Variants in OCRL observed in about 807,000 individuals in gnomAD.
The protein encoded by OCRL is OCRL inositol polyphosphate-5-phosphatase, also known as inositol polyphosphate 5-phosphatase OCRL.
Under a neutral mutation model 78.9 loss-of-function variants are expected in OCRL, and 8 were observed. The observed-to-expected ratio is 0.10, with a 90% CI of 0.06 to 0.18. The LOEUF is 0.18. Ranked by LOEUF, OCRL falls within the 10% of genes least tolerant of loss-of-function variation. The probability of loss-of-function intolerance (pLI) is 1.00; values close to 1 mark genes in which losing one functional copy is unlikely to be tolerated. For missense variants in OCRL, 454 were observed against 696.7 expected, an observed-to-expected ratio of 0.65 and a Z score of 3.92; for synonymous variants, 240 against 235.4, an observed-to-expected ratio of 1.02 and a Z score of -0.18.
intron 12 of OCRL, among the ~76,000 whole-genome samples, chrX:129,563,349 T>C (rs1489436636): frequency 8.9e-6 from 1 of 112,446 alleles, no homozygotes; most frequent in East Asian, 2.8e-4. Context: ...TTCTAAAATA[T>C]TGATCACATG....
intron 6 of OCRL, 92 bp from the exon 7 acceptor site, chrX:129,558,541 A>T (rs1936095874): frequency 4.7e-6 from 5 of 1,063,668 alleles, no homozygotes; most frequent in Non-Finnish European, 6.5e-6. Flanking sequence ...AATACCACTG[A>T]TCAAATTGTG....
chrX:129,547,115 G>C (rs1162172591), intron 3 of OCRL, among the ~76,000 whole-genome samples: 10 of 111,090 alleles, frequency 9.0e-5, no homozygotes, highest in Non-Finnish European at 1.9e-4. Context: ...TGTAGTCCCA[G>C]CTACTTGGGA....
chrX:129,565,900 T>C lies in OCRL; in HGVS notation c.1356+17T>C, dbSNP rs371004062. 5 of 1,073,468 alleles carry C rather than the reference T, an allele frequency of 4.7e-6. No homozygotes were observed. The highest frequency in any genetic ancestry group is 6.5e-6 in the Non-Finnish European group (5 of 772,073). The allele number at this position is 1,073,468 out of a possible 1,213,427, so 88.5% of individuals were successfully genotyped here. The stretch of plus-strand genomic sequence containing the variant: ...TTCGACCAGGTAAGTAAAGTTTCAT[T>C]TTATAGGAACTTTCCTAGATGGGAG... On this transcript the variant is annotated intron_variant, in intron 13 of 23. Coordinates refer to ENST00000371113, the MANE Select transcript of OCRL (RefSeq NM_000276.4).
intron 2 of OCRL, among the ~76,000 whole-genome samples, chrX:129,544,215 A>G (rs1033225613): frequency 2.7e-5 from 3 of 111,919 alleles, no homozygotes; most frequent in African/African-American, 9.7e-5. Context: ...ACCACTAAGG[A>G]TAAATAATAA....
chrX:129,565,472 G>C (rs1294676388), intron 12 of OCRL, among the ~76,000 whole-genome samples: 1 of 112,072 alleles, frequency 8.9e-6, no homozygotes, highest in Non-Finnish European at 1.9e-5. Context: ...AGCTTGTCCA[G>C]CAAATAAACT....
At chrX:129,543,108 T>C (rs1474346997) in intron 2 of OCRL, among the ~76,000 whole-genome samples, 1 of 112,187 alleles carries the variant, frequency 8.9e-6, no homozygotes, top group Non-Finnish European at 1.9e-5. Flanking sequence ...TCAGGATTTG[T>C]CACTCTTTTC....
chrX:129,567,982 C>G (rs1346584106), intron 14 of OCRL, among the ~76,000 whole-genome samples: 1 of 105,925 alleles, frequency 9.4e-6, no homozygotes, highest in Non-Finnish European at 1.9e-5. Flanking sequence ...GGCGCAATCT[C>G]GGCGCACTGC....
At chrX:129,582,403 A>G (rs1339754070) in intron 18 of OCRL, among the ~76,000 whole-genome samples, 1 of 112,692 alleles carries the variant, frequency 8.9e-6, no homozygotes, top group Non-Finnish European at 1.9e-5. Context: ...AAGGCATTTT[A>G]GCACAATGCC....
At chrX:129,547,810 A>C (rs1419945353) in intron 3 of OCRL, among the ~76,000 whole-genome samples, 1 of 111,602 alleles carries the variant, frequency 9.0e-6, no homozygotes, top group East Asian at 2.8e-4. Context: ...ACCAAGGTAG[A>C]TCCAGGCTAA....
chrX:129,572,984 C>T (rs1936322337), intron 15 of OCRL, among the ~76,000 whole-genome samples: 1 of 111,871 alleles, frequency 8.9e-6, no homozygotes, highest in Non-Finnish European at 1.9e-5. Flanking sequence ...CTTTGGTAGC[C>T]TTCCAGGTTG....
chrX:129,589,371 GTTTT>G (rs1279806289), intron 22 of OCRL: 8 of 287,698 alleles, frequency 2.8e-5, no homozygotes, highest in Non-Finnish European at 4.4e-5. Context: ...CTTGGTGTGT[GTTTT>G]TAATCCTGAA....
At chrX:129,568,004 C>T (rs1265411755) in intron 14 of OCRL, among the ~76,000 whole-genome samples, 1 of 107,912 alleles carries the variant, frequency 9.3e-6, no homozygotes, top group Non-Finnish European at 1.9e-5. Context: ...AGCTCCGCTT[C>T]CCGGGTTCAC....
intron 18 of OCRL, among the ~76,000 whole-genome samples, chrX:129,582,572 A>G (rs1016989004): frequency 6.2e-5 from 7 of 112,523 alleles, no homozygotes; most frequent in African/African-American, 2.3e-4. Flanking sequence ...TCATTTGATA[A>G]CAAGTCCTAA....
At chrX:129,564,616 C>T (rs1186795938) in intron 12 of OCRL, among the ~76,000 whole-genome samples, 1 of 109,298 alleles carries the variant, frequency 9.1e-6, no homozygotes, top group African/African-American at 3.3e-5. Context: ...TAAACTATCG[C>T]AAGAACAAAA....
intron 17 of OCRL, 109 bp downstream of exon 17, chrX:129,576,171 G>T: frequency 1.1e-6 from 1 of 942,000 alleles, no homozygotes; most frequent in Non-Finnish European, 1.5e-6. Context: ...CTGTCATATT[G>T]GTGATACCTC....
chrX:129,572,774 C>T (rs980261398), intron 15 of OCRL, among the ~76,000 whole-genome samples: 7 of 110,218 alleles, frequency 6.4e-5, no homozygotes, highest in Non-Finnish European at 1.1e-4. Flanking sequence ...GTGTCCTCAC[C>T]CCTAGAGGCT....
Position 129,587,009 on chromosome X carries a change from C to A in OCRL, c.2147C>A (p.Ser716Tyr). The A allele has an allele frequency of 8.4e-7, 1 of 1,190,868 alleles. No individual in the cohort carries two copies. The highest frequency in any genetic ancestry group is 1.1e-6 in the Non-Finnish European group (1 of 876,437). The change falls in exon 20 of 24, where the codon TCC (serine) becomes TAC (tyrosine). Residue 716 changes from serine (S) to tyrosine (Y), a missense_variant. Physicochemically the swap from Ser to Tyr is moderately radical, Grantham distance 144 (BLOSUM62 -2). Around this residue, in one of 2 missense-constraint regions of OCRL, gnomAD observed 277 missense variants for 517.1 expected, o/e 0.54. Coordinates refer to ENST00000371113, the MANE Select transcript of OCRL (RefSeq NM_000276.4). Reference sequence around the variant, plus strand: ...TACTTTTCCATCTATTAGGAGAAATCCCTTCTGCAAATGGTTCCTTTGGAT... The same window carrying A: ...TACTTTTCCATCTATTAGGAGAAATACCTTCTGCAAATGGTTCCTTTGGAT... ...EEDSFLEKEKSLLQMVPLDEG... is the reference protein window; with the variant it reads ...EEDSFLEKEKYLLQMVPLDEG...
chrX:129,568,208 G>T (rs1043974339), intron 14 of OCRL, among the ~76,000 whole-genome samples: 1 of 111,867 alleles, frequency 8.9e-6, no homozygotes, highest in Non-Finnish European at 1.9e-5. Flanking sequence ...GAGCCACCGC[G>T]CCCGGCCAGT....
At chrX:129,549,985 T>C (rs1935937861) in intron 4 of OCRL, 1 of 112,186 alleles carries the variant, frequency 8.9e-6, no homozygotes, top group African/African-American at 3.2e-5. Context: ...ACTGAAACCA[T>C]ATTTTATCTT....
Sources: gnomAD v4.1 joint callset for allele counts (sites outside exome capture counted in the v4.1 genomes callset) on GRCh38, gnomAD v4.1.1 for gene constraint, gnomAD v4.1.1 regional missense constraint, MANE v1.5 for transcripts, NCBI Gene and HGNC (gene_info 2026-07-23, HGNC 2026-07-21) for gene names.